C1orf159: variants seen among roughly 807,000 people sequenced by gnomAD.
C1orf159 encodes the protein uncharacterized protein C1orf159.
C1orf159 carries 19 observed loss-of-function variants against 25.6 expected under a neutral mutation model. The observed-to-expected ratio is 0.74, with a 90% CI of 0.52 to 1.09. The LOEUF (loss-of-function observed/expected upper bound fraction) is 1.09, where lower values mean the gene tolerates loss of function less well. C1orf159 is among the 50% of genes least tolerant of loss of function. The pLI is 0.00. For synonymous variants in C1orf159, 139 were observed against 124.7 expected (o/e 1.12, Z -0.77); for missense variants, 274 against 290.6 (o/e 0.94, Z 0.42).
intron 1 of C1orf159, among the ~76,000 whole-genome samples, chr1:1,111,922 T>C (rs1488951085): frequency 2.0e-5 from 3 of 152,226 alleles, no homozygotes; most frequent in Admixed American, 6.5e-5. Flanking sequence ...CGTGCTTTGA[T>C]AGAAAACAAA....
chr1:1,087,364 G>A lies in C1orf159; in HGVS notation c.244+138C>T, dbSNP rs1187107495. 7.8e-6 allele frequency: 9 copies of A among 1,157,912 alleles called. No homozygotes were observed. The highest frequency in any genetic ancestry group is 9.6e-6 in the Non-Finnish European group (8 of 834,416). 71.7% of individuals were successfully genotyped at this position (1,157,912 alleles called of 1,614,324 possible). On this transcript the variant is annotated intron_variant, in intron 5 of 9. Transcript: ENST00000421241. The surrounding 1 kb of genome is among the most constrained non-coding windows in gnomAD (Gnocchi z 8.3). ...CTGTCCCGAATGGCCCAGCAGACTC[G>A]GGAAGAGGGGGCTCCCGGGGCTGTT...
chr1:1,096,114 T>C (rs193286178), intron 1 of C1orf159, among the ~76,000 whole-genome samples: 270 of 152,302 alleles, frequency 1.8e-3, no homozygotes, highest in Admixed American at 7.3e-3. Flanking sequence ...TGAAGGATAG[T>C]GGTCTATAAT....
chr1:1,083,317 T>C (rs905776526), intron 9 of C1orf159: 8 of 311,956 alleles, frequency 2.6e-5, no homozygotes, highest in Non-Finnish European at 4.2e-5. Flanking sequence ...AAGCAGGCCG[T>C]AGTCCCAAGA....
intron 1 of C1orf159, among the ~76,000 whole-genome samples, 167 bp downstream of exon 1, chr1:1,115,893 C>T (rs1313214026): frequency 6.6e-6 from 1 of 150,808 alleles, no homozygotes; most frequent in Non-Finnish European, 1.5e-5. Context: ...GCTGGCGGCT[C>T]CTCCGCGCGC....
intron 9 of C1orf159, chr1:1,084,039 G>A (rs2100738556): frequency 6.2e-7 from 1 of 1,608,382 alleles, no homozygotes; most frequent in South Asian, 1.1e-5. Flanking sequence ...GCAGGTATTG[G>A]GGGTCTGCCC....
intron 1 of C1orf159, among the ~76,000 whole-genome samples, chr1:1,104,922 C>T (rs551588524): frequency 1.3e-5 from 2 of 152,334 alleles, no homozygotes; most frequent in African/African-American, 4.8e-5. Context: ...TAAACCTGTT[C>T]ACTGTCCAAC....
chr1:1,082,742 C>T lies in C1orf159; in HGVS notation c.*151G>A, dbSNP rs550283605. On this transcript the variant is annotated 3_prime_UTR_variant, in exon 10 of 10. Transcript: ENST00000421241. Reference sequence around the variant, plus strand: ...AGGCGGCCCGGGACCCTTTGGCGTCCGTCGCTGGGAGGCGGAGGGACTCAG... The same window carrying T: ...AGGCGGCCCGGGACCCTTTGGCGTCTGTCGCTGGGAGGCGGAGGGACTCAG... The T allele has an allele frequency of 8.6e-6, 6 of 695,682 alleles. No individual in the cohort carries two copies. Among genetic ancestry groups the T allele is most frequent in the East Asian group, 2.8e-5 (1 of 36,242 alleles). 43.1% of individuals were successfully genotyped at this position (695,682 alleles called of 1,614,324 possible).
Position 1,087,571 on chromosome 1 carries a change from C to T in C1orf159, c.175G>A (p.Gly59Arg). Residue 59 changes from glycine to arginine, a missense_variant, in exon 5 of 10, where the codon GGG becomes AGG. Gly to Arg is a moderately radical substitution (Grantham distance 125). Transcript: ENST00000421241. This position sits in a 1 kb window ranked among gnomAD's most constrained non-coding sequence, Gnocchi z 8.3. ...CCACAGCGGACGCAGCTGGCGCTCC[C>T]GTCCGCGTTCCAGCGCCTGTAACAG... ...PGCYRRWNADGSASCVRCGNG... is the reference protein window; with the variant it reads ...PGCYRRWNADRSASCVRCGNG... 19 of 1,548,354 alleles carry T rather than the reference C, an allele frequency of 1.2e-5. No homozygotes were observed. Among genetic ancestry groups the T allele is most frequent in the East Asian group, 2.4e-5 (1 of 40,906 alleles).
intron 1 of C1orf159, among the ~76,000 whole-genome samples, chr1:1,105,797 C>T (rs1489744779): frequency 6.6e-6 from 1 of 152,078 alleles, no homozygotes; most frequent in Non-Finnish European, 1.5e-5. Flanking sequence ...TAGCATGAAC[C>T]TGGGAAGGTG....
intron 3 of C1orf159, chr1:1,090,906 A>G (rs1009187384): frequency 6.4e-7 from 1 of 1,550,390 alleles, no homozygotes; most frequent in Non-Finnish European, 8.7e-7. Context: ...CCCTGACCAC[A>G]GGCAGACTGG....
At chr1:1,099,610 C>T (rs113903828) in intron 1 of C1orf159, among the ~76,000 whole-genome samples, 1 of 149,558 alleles carries the variant, frequency 6.7e-6, no homozygotes, top group Non-Finnish European at 1.5e-5. Flanking sequence ...TGTTTTTGGT[C>T]TATTGTTCTA....
At chr1:1,095,864 T>A (rs554855134) in intron 1 of C1orf159, among the ~76,000 whole-genome samples, 1 of 152,294 alleles carries the variant, frequency 6.6e-6, no homozygotes, top group African/African-American at 2.4e-5. Flanking sequence ...TTTACTGAGG[T>A]TTTTTTAAAA....
intron 1 of C1orf159, among the ~76,000 whole-genome samples, chr1:1,115,293 G>A (rs906684228): frequency 2.0e-5 from 3 of 152,078 alleles, no homozygotes; most frequent in Admixed American, 1.3e-4. Context: ...CCGAAAAACT[G>A]CACCCCGACT....
At chr1:1,086,870 C>A (rs1333718250) in intron 6 of C1orf159, among the ~76,000 whole-genome samples, 1 of 152,078 alleles carries the variant, frequency 6.6e-6, no homozygotes, top group Non-Finnish European at 1.5e-5. Flanking sequence ...TGGCTGTGAG[C>A]TGTGTGACCC....
intron 1 of C1orf159, among the ~76,000 whole-genome samples, chr1:1,107,812 T>G (rs1419492740): frequency 6.6e-6 from 1 of 152,152 alleles, no homozygotes; most frequent in Non-Finnish European, 1.5e-5. Context: ...TGCTCACTCT[T>G]TGGGTCTGCA....
At chr1:1,083,575 C>T in intron 9 of C1orf159, 1 of 297,792 alleles carries the variant, frequency 3.4e-6, no homozygotes, top group Non-Finnish European at 6.3e-6. Flanking sequence ...CTCCCCGGAG[C>T]CTCGGGAAGC....
intron 1 of C1orf159, among the ~76,000 whole-genome samples, chr1:1,112,545 C>T (rs1230749268): frequency 1.3e-5 from 2 of 149,864 alleles, no homozygotes; most frequent in Non-Finnish European, 3.0e-5. Context: ...ACAACGCGCA[C>T]GCTCCCTCCC....
Position 1,087,696 on chromosome 1 carries a change from C to A in C1orf159, c.149-99G>T. The A allele has an allele frequency of 1.1e-6, 1 of 894,426 alleles. No individual in the cohort carries two copies. The highest frequency in any genetic ancestry group is 1.7e-6 in the Non-Finnish European group (1 of 584,586). 55.4% of individuals were successfully genotyped at this position (894,426 alleles called of 1,614,324 possible). On this transcript the variant is annotated intron_variant, in intron 4 of 9. Transcript: ENST00000421241. This position sits in a 1 kb window ranked among gnomAD's most constrained non-coding sequence, Gnocchi z 8.3. ...CTATTTGAGTTGGTGAGATAACTTT[C>A]ATTCCAGATACTAACATGCTCTGGA...
chr1:1,090,262 C>T, intron 4 of C1orf159, 91 bp downstream of exon 4: 1 of 1,305,862 alleles, frequency 7.7e-7, no homozygotes, highest in South Asian at 1.3e-5. Context: ...CAGATGAGCA[C>T]TGTCCTTGTC....
Sources: allele counts gnomAD v4.1 joint callset (sites outside exome capture counted in the v4.1 genomes callset), GRCh38; gene constraint gnomAD v4.1.1; non-coding constraint Gnocchi (gnomAD v3.1); transcripts MANE v1.5; gene names NCBI Gene and HGNC (gene_info 2026-07-23, HGNC 2026-07-21).